SAMHD1: variants seen among roughly 807,000 people sequenced by gnomAD.
The protein encoded by SAMHD1 is deoxynucleoside triphosphate triphosphohydrolase SAMHD1.
In SAMHD1, 54 loss-of-function variants were observed where a neutral mutation model predicts 79.6. That is an observed-to-expected ratio of 0.68 (90% CI 0.55 to 0.85). The LOEUF (loss-of-function observed/expected upper bound fraction) is 0.85. Ranked by LOEUF, SAMHD1 falls within the 40% of genes least tolerant of loss-of-function variation. SAMHD1 has a pLI of 0.00. For synonymous variants in SAMHD1, 260 were observed against 264.1 expected (o/e 0.98, Z 0.15); for missense variants, 663 against 782.7 (o/e 0.85, Z 1.82).
intron 6 of SAMHD1, among the ~76,000 whole-genome samples, chr20:36,922,822 ATT>A (rs1345136499): frequency 6.0e-5 from 9 of 149,646 alleles, no homozygotes; most frequent in Non-Finnish European, 1.5e-5. Context: ...TAATTTTTAA[ATT>A]TTTTTGTAGA....
At chr20:36,946,514 G>C in intron 2 of SAMHD1, 1 of 472,792 alleles carries the variant, frequency 2.1e-6, no homozygotes, top group South Asian at 2.2e-5. Context: ...TTGAAGCCGG[G>C]AGGCAGAGGT....
At chr20:36,905,305 G>A in intron 12 of SAMHD1, 59 bp downstream of exon 12, 4 of 1,551,052 alleles carry the variant, frequency 2.6e-6, no homozygotes, top group Non-Finnish European at 3.6e-6. Flanking sequence ...TAGGTTAGTG[G>A]TCTCCTCTTG....
intron 5 of SAMHD1, among the ~76,000 whole-genome samples, chr20:36,927,489 G>A (rs2063544317): frequency 6.6e-6 from 1 of 151,614 alleles, no homozygotes; most frequent in Non-Finnish European, 1.5e-5. Flanking sequence ...AGCTAATTTT[G>A]TATTTTTAGT....
intron 11 of SAMHD1, among the ~76,000 whole-genome samples, chr20:36,907,582 C>G (rs1480766157): frequency 7.0e-6 from 1 of 142,412 alleles, no homozygotes; most frequent in East Asian, 2.1e-4. Flanking sequence ...CCCTGTTACC[C>G]AGGCTGGAGT....
chr20:36,892,554 G>A lies in SAMHD1; in HGVS notation c.*378C>T. On this transcript the variant is annotated 3_prime_UTR_variant, in exon 16 of 16. Transcript: ENST00000646673. ...GACTTTAGTCCCAGCTACTTGGGGGGCTGAGGCAGGAGGGTCGCTTGAGCC... is the reference window on the plus strand; with the variant it reads ...GACTTTAGTCCCAGCTACTTGGGGGACTGAGGCAGGAGGGTCGCTTGAGCC... The A allele has an allele frequency of 3.6e-6, 1 of 274,884 alleles. No homozygotes were observed. Among genetic ancestry groups the A allele is most frequent in the African/African-American group, 2.2e-5 (1 of 44,562 alleles). 17.0% of individuals were successfully genotyped at this position (274,884 alleles called of 1,614,324 possible).
chr20:36,921,549 T>C (rs1317526580), intron 6 of SAMHD1, among the ~76,000 whole-genome samples: 1 of 151,972 alleles, frequency 6.6e-6, no homozygotes, highest in Non-Finnish European at 1.5e-5. Context: ...TTTATGTGCC[T>C]CCTGAGATGA....
Position 36,928,685 on chromosome 20 carries a change from G to A in SAMHD1, c.626-1433C>T, listed in dbSNP as rs539562770. On this transcript the variant is annotated intron_variant, in intron 5 of 15. Transcript: ENST00000646673. ...GGGCAACAGAGCGAGATTCTGTCTC[G>A]GGAAAAAAAAAAAAGAAAATCCACT... is the stretch of plus-strand genomic sequence containing the variant. Among the ~76,000 whole-genome samples the A allele has an allele frequency of 2.0e-3, 288 of 143,846 alleles. 9 individuals are homozygous for A. The South Asian group carries it at 0.06, about 30-fold the overall frequency. 94.4% of individuals were successfully genotyped at this position (143,846 alleles called of 152,430 possible). A position where few individuals can be genotyped will look rare whatever the true frequency, so the allele number is the denominator to read the frequency against.
At chr20:36,894,148 T>A (rs1990149456) in intron 15 of SAMHD1, 1 of 392,822 alleles carries the variant, frequency 2.5e-6, no homozygotes, top group Non-Finnish European at 4.5e-6. Flanking sequence ...CTGCCAAAAC[T>A]TTTGTATCTC....
chr20:36,937,311 G>A (rs748391910), intron 3 of SAMHD1, among the ~76,000 whole-genome samples: 2 of 151,970 alleles, frequency 1.3e-5, no homozygotes, highest in African/African-American at 2.4e-5. Flanking sequence ...CCTTGGGTTC[G>A]GCAATGGTTT....
intron 8 of SAMHD1, 49 bp from the exon 9 acceptor site, chr20:36,916,879 G>T: frequency 6.3e-7 from 1 of 1,579,998 alleles, no homozygotes; most frequent in Non-Finnish European, 8.7e-7. Context: ...CAAGGAAGCT[G>T]TACCTTAAAT....
At chr20:36,915,855 C>T (rs1167511120) in intron 9 of SAMHD1, among the ~76,000 whole-genome samples, 1 of 151,938 alleles carries the variant, frequency 6.6e-6, no homozygotes, top group Non-Finnish European at 1.5e-5. Context: ...AACACTAATA[C>T]AGTGATTAAA....
intron 2 of SAMHD1, 142 bp from the exon 3 acceptor site, chr20:36,941,253 C>T: frequency 1.4e-6 from 1 of 697,698 alleles, no homozygotes; most frequent in South Asian, 1.6e-5. Context: ...TCAAACATAC[C>T]CCTCCTAGAA....
At chr20:36,908,379 G>A (rs771672309) in intron 11 of SAMHD1, among the ~76,000 whole-genome samples, 2 of 151,868 alleles carry the variant, frequency 1.3e-5, no homozygotes, top group African/African-American at 2.4e-5. Flanking sequence ...GAGTAGCTGG[G>A]ACTACAGGCA....
chr20:36,951,417 G>A lies in SAMHD1; in HGVS notation c.208+19C>T. On this transcript the variant is annotated intron_variant, in intron 1 of 15. Coordinates refer to ENST00000646673, the MANE Select transcript of SAMHD1 (RefSeq NM_015474.4). ...CCAGGTCGCCGCCCTTCGCCCCTCA[G>A]CCCCTCCGGAGCCGCTACCTCGGAT... 6.2e-7 allele frequency: 1 copy of A among 1,612,816 alleles called. No individual in the cohort carries two copies. Among genetic ancestry groups the A allele is most frequent in the East Asian group, 2.2e-5 (1 of 44,842 alleles).
intron 15 of SAMHD1, among the ~76,000 whole-genome samples, chr20:36,895,911 C>G (rs1209042562): frequency 6.6e-6 from 1 of 151,952 alleles, no homozygotes; most frequent in African/African-American, 2.4e-5. Context: ...TCATGATTCC[C>G]TAAACAATAC....
In SAMHD1 at chr20:36,912,628, G is replaced by A; in HGVS notation, c.1063-76C>T. ...TATTAGAGACAAGTATATAGGACAA[G>A]GAAGGAAAAGGGATAGTGGCAGACA... On this transcript the variant is annotated intron_variant, in intron 9 of 15. Transcript: ENST00000646673. 4.0e-6 allele frequency: 4 copies of A among 1,008,790 alleles called. No homozygotes were observed. The South Asian group carries it at 4.0e-5, about 10-fold the overall frequency. 62.5% of individuals were successfully genotyped at this position (1,008,790 alleles called of 1,614,324 possible). A position where few individuals can be genotyped will look rare whatever the true frequency, so the allele number is the denominator to read the frequency against.
At chr20:36,927,140 T>A (rs1208055332) in intron 6 of SAMHD1, 42 bp downstream of exon 6, 1 of 1,519,434 alleles carries the variant, frequency 6.6e-7, no homozygotes, top group Admixed American at 1.7e-5. Flanking sequence ...CCTGCTTAAA[T>A]AGTCTTTCTT....
At chr20:36,947,549 GGGGTGTGTGTGTGTGTGTGTGTGTGTGT>G in intron 1 of SAMHD1, among the ~76,000 whole-genome samples, 1 of 60,788 alleles carries the variant, frequency 1.6e-5, no homozygotes, top group African/African-American at 5.8e-5. Context: ...ATTTGGAAGA[GGGGTGTGTGTGTGTGTGTGTGTGTGTGT>G]GTGTGTGTGT....
rs569041488 is a variant in SAMHD1 at position 36,936,647 on chromosome 20, C to T, written c.349-1458G>A. ...CCATTTAAGGACCTAAAAGCCTTCA[C>T]TGTAAATTTTTCAGGTTGTAATAAC... On this transcript the variant is annotated intron_variant, in intron 3 of 15. Coordinates refer to ENST00000646673, the MANE Select transcript of SAMHD1 (RefSeq NM_015474.4). 2.6e-5 allele frequency among the ~76,000 whole-genome samples: 4 copies of T among 152,120 alleles called. No individual in the cohort carries two copies. In the East Asian group the frequency reaches 5.8e-4, roughly 22 times the overall value.
Sources: gnomAD v4.1 joint callset for allele counts (sites outside exome capture counted in the v4.1 genomes callset) on GRCh38, gnomAD v4.1.1 for gene constraint, MANE v1.5 for transcripts, NCBI Gene and HGNC (gene_info 2026-07-23, HGNC 2026-07-21) for gene names.